Variants in CTBP1 observed in about 807,000 individuals in gnomAD.
CTBP1 encodes the protein C-terminal binding protein 1, also known as C-terminal-binding protein 1.
Under a neutral mutation model 42.1 loss-of-function variants are expected in CTBP1, and 11 were observed. The observed-to-expected ratio is 0.26, with a 90% CI of 0.16 to 0.43. CTBP1 has a LOEUF of 0.43. Ranked by LOEUF, CTBP1 falls within the 20% of genes least tolerant of loss-of-function variation. The probability of loss-of-function intolerance (pLI) is 1.00; values close to 1 mark genes in which losing one functional copy is unlikely to be tolerated. For missense variants in CTBP1, 399 were observed against 624.3 expected (o/e 0.64, Z 3.85); for synonymous variants, 324 against 277.1 (o/e 1.17, Z -1.68).
intron 3 of CTBP1, among the ~76,000 whole-genome samples, chr4:1,229,030 G>C (rs1394762972): frequency 6.6e-6 from 1 of 152,202 alleles, no homozygotes; most frequent in African/African-American, 2.4e-5. Context: ...TCTTAGACCG[G>C]AACAGCTCCC....
rs551760583 is a variant in CTBP1, at chr4:1,235,186, T to C, written c.162+2997A>G. 32 of 152,272 alleles carry C rather than the reference T, an allele frequency of 2.1e-4. No homozygotes were observed. The highest frequency in any genetic ancestry group is 7.5e-4 in the African/African-American group (31 of 41,530). 9.4% of individuals were successfully genotyped at this position (152,272 alleles called of 1,614,324 possible). A position where few individuals can be genotyped will look rare whatever the true frequency, so the allele number is the denominator to read the frequency against. On this transcript the variant is annotated intron_variant, in intron 3 of 9. Coordinates refer to ENST00000382952, the MANE Select transcript of CTBP1 (RefSeq NM_001012614.2). The surrounding 1 kb of genome is among the most constrained non-coding windows in gnomAD (Gnocchi z 4.2). The stretch of plus-strand genomic sequence containing the variant: ...CCTTCTGGTTTGGGCTATGGTGAGT[T>C]AAGCTGCTAGGGAGCATGACGTGCA...
At position 1,216,224 on chromosome 4, in the gene CTBP1, AGT is replaced by A. The variant is rs1297552546; in HGVS notation, c.515-21_515-20del. The stretch of plus-strand genomic sequence containing the variant: ...ACGCGACCTGGTGGCGTCAAGACAC[AGT>A]GTGAGACCCTTGCTCACCCGTGGCC... On this transcript the variant is annotated intron_variant, in intron 5 of 9. Coordinates refer to ENST00000382952, the MANE Select transcript of CTBP1 (RefSeq NM_001012614.2). 6.2e-7 allele frequency: 1 copy of A among 1,603,960 alleles called. No homozygotes were observed.
intron 1 of CTBP1, chr4:1,242,011 C>T (rs943128849): frequency 2.0e-6 from 2 of 1,000,616 alleles, no homozygotes; most frequent in African/African-American, 3.5e-5. Flanking sequence ...GTGCTGCTGG[C>T]TTTCCAGCAT....
chr4:1,235,255 G>A lies in CTBP1; in HGVS notation c.162+2928C>T, dbSNP rs1427896453. 1 of 152,238 alleles carries A rather than the reference G, an allele frequency of 6.6e-6. No individual in the cohort carries two copies. The highest frequency in any genetic ancestry group is 2.1e-4 in the South Asian group (1 of 4,836). 9.4% of individuals were successfully genotyped at this position (152,238 alleles called of 1,614,324 possible). ...CATTCCGAGTCTCCGGGATAAAGGAGTGTGGCCACTGGGCTGCATTACAAG... is the reference window on the plus strand; with the variant it reads ...CATTCCGAGTCTCCGGGATAAAGGAATGTGGCCACTGGGCTGCATTACAAG... On this transcript the variant is annotated intron_variant, in intron 3 of 9. Transcript: ENST00000382952. The surrounding 1 kb of genome is among the most constrained non-coding windows in gnomAD (Gnocchi z 4.2).
chr4:1,231,123 TCAGCTGCAGGGCCA>T (rs1023608366), intron 3 of CTBP1: 4 of 152,262 alleles, frequency 2.6e-5, no homozygotes, highest in African/African-American at 9.6e-5. Context: ...TGGCCTGTGC[TCAGCTGCAGGGCCA>T]CAGCTGCTAG....
intron 5 of CTBP1, among the ~76,000 whole-genome samples, chr4:1,223,189 T>C (rs1420752020): frequency 5.5e-5 from 8 of 145,440 alleles, no homozygotes; most frequent in African/African-American, 2.5e-5. Flanking sequence ...CCACCCTCCC[T>C]CCTCCCCTCA....
At position 1,212,017 on chromosome 4, in the gene CTBP1, T is replaced by G. The variant is rs1378589819; in HGVS notation, c.*223A>C. The stretch of plus-strand genomic sequence containing the variant: ...CGTTCATGGGAGAATAACTACTGAC[T>G]TCTTCTGCTTAACGAGGAACGCGAA... On this transcript the variant is annotated 3_prime_UTR_variant, in exon 10 of 10. Transcript: ENST00000382952. 1.0e-5 allele frequency: 4 copies of G among 393,544 alleles called. No homozygotes were observed. The highest frequency in any genetic ancestry group is 1.8e-5 in the Non-Finnish European group (4 of 223,038). The allele number at this position is 393,544 out of a possible 1,614,324, so 24.4% of individuals were successfully genotyped here.
chr4:1,214,502 A>C (rs1180546279), intron 6 of CTBP1, 29 bp from the exon 7 acceptor site: 1 of 1,548,168 alleles, frequency 6.5e-7, no homozygotes, highest in African/African-American at 1.4e-5. Context: ...GGCCAGGCCC[A>C]GTCAGGGATC....
At chr4:1,237,466 G>A (rs796430316) in intron 3 of CTBP1, 12 of 579,402 alleles carry the variant, frequency 2.1e-5, no homozygotes, top group Non-Finnish European at 2.8e-5. Context: ...GTGAAAACCC[G>A]GTGTTCACCT....
chr4:1,236,317 C>T (rs533923532), intron 3 of CTBP1: 7 of 383,896 alleles, frequency 1.8e-5, no homozygotes, highest in Non-Finnish European at 3.3e-5. Flanking sequence ...TGTGGGTCTC[C>T]TGAGCAAACA....
At chr4:1,216,430 G>A in intron 5 of CTBP1, 1 of 600,790 alleles carries the variant, frequency 1.7e-6, no homozygotes, top group Non-Finnish European at 3.0e-6. Context: ...GGGTGGAAAG[G>A]GTACACTAGC....
Position 1,214,417 on chromosome 4 carries a change from C to T in CTBP1, c.786G>A (p.Lys262=). Residue 262 remains lysine (K), a synonymous_variant, in exon 7 of 10, where the codon AAG becomes AAA. Coordinates refer to ENST00000382952, the MANE Select transcript of CTBP1 (RefSeq NM_001012614.2). ...NTARGGLVDE[K]ALAQALKEGR... ...CCTCCTTCAGGGCCTGGGCCAGCGC[C>T]TTCTCATCCACCAGGCCACCCCGGG... 6.3e-7 allele frequency: 1 copy of T among 1,580,624 alleles called. No individual in the cohort carries two copies. The highest frequency in any genetic ancestry group is 1.2e-5 in the South Asian group (1 of 86,330).
In CTBP1 at chr4:1,225,444, G is replaced by A. The variant is rs1425210992; in HGVS notation, c.430C>T (p.Arg144Ter). 1 of 1,546,800 alleles carries A rather than the reference G, an allele frequency of 6.5e-7. No homozygotes were observed. Reference protein sequence around the residue: ...WLHQALREGTRVQSVEQIREV... With the variant: ...WLHQALREGT ...CGGATCTGCTCGACGCTCTGGACTC[G>A]TGTGCCCTCCCGCAGCGCCTGGTGC... is the stretch of plus-strand genomic sequence containing the variant. Residue 144 changes from arginine to a stop codon, truncating the protein, a stop_gained, in exon 5 of 10, where the codon CGA becomes TGA. Coordinates refer to ENST00000382952, the MANE Select transcript of CTBP1 (RefSeq NM_001012614.2). LOFTEE classifies it high-confidence loss of function.
chr4:1,244,425 C>T, intron 1 of CTBP1: 1 of 984,946 alleles, frequency 1.0e-6, no homozygotes, highest in Non-Finnish European at 1.2e-6. Flanking sequence ...ACCCCTGTTC[C>T]TTCCCCAGCC....
chr4:1,244,091 C>T (rs1032332475), intron 1 of CTBP1: 3 of 985,264 alleles, frequency 3.0e-6, no homozygotes, highest in Admixed American at 6.1e-5. Flanking sequence ...GCATCAAGTC[C>T]CGGGGGGCTG....
At chr4:1,248,795 G>C in intron 1 of CTBP1, 121 bp downstream of exon 1, 1 of 941,466 alleles carries the variant, frequency 1.1e-6, no homozygotes, top group Non-Finnish European at 1.3e-6. Flanking sequence ...ACGCGCACTC[G>C]CACACAAAGC....
intron 2 of CTBP1, among the ~76,000 whole-genome samples, chr4:1,240,268 G>A (rs575207056): frequency 2.6e-4 from 30 of 116,894 alleles, no homozygotes; most frequent in East Asian, 8.6e-4. Context: ...GAGTGGGACC[G>A]GGTCCCTCGT....
chr4:1,242,378 C>T (rs543019974), intron 1 of CTBP1: 3 of 985,362 alleles, frequency 3.0e-6, no homozygotes, highest in East Asian at 1.1e-4. Context: ...GAGCCGGCCA[C>T]CACCAGCCCA....
intron 3 of CTBP1, among the ~76,000 whole-genome samples, chr4:1,231,607 T>C (rs1347893300): frequency 5.3e-5 from 8 of 152,256 alleles, no homozygotes; most frequent in African/African-American, 1.4e-4. Context: ...CACCTGCTTC[T>C]GTGCTCAGGA....
Sources: gnomAD v4.1 joint callset for allele counts (sites outside exome capture counted in the v4.1 genomes callset) on GRCh38, gnomAD v4.1.1 for gene constraint, Gnocchi (gnomAD v3.1) non-coding constraint, MANE v1.5 for transcripts, NCBI Gene and HGNC (gene_info 2026-07-23, HGNC 2026-07-21) for gene names.